The following RPA3 variants were observed in gnomAD, a reference collection of about 807,000 sequenced individuals.
RPA3 encodes the protein replication protein A3.
A neutral mutation model predicts 13.7 loss-of-function variants in RPA3; 24 were observed. That is an observed-to-expected ratio of 1.75 (90% CI 1.27 to 2.46). RPA3 has a LOEUF of 2.46. Among genes scored for constraint, RPA3 ranks in the 30% most tolerant of loss-of-function variants. RPA3 has a pLI of 0.00. For missense variants in RPA3, 183 were observed against 151.0 expected, an observed-to-expected ratio of 1.21 and a Z score of -1.11; for synonymous variants, 59 against 51.2, an observed-to-expected ratio of 1.15 and a Z score of -0.65.
chr7:7,712,183 G>A (rs911389761), intron 2 of RPA3, among the ~76,000 whole-genome samples: 5 of 152,058 alleles, frequency 3.3e-5, no homozygotes, highest in African/African-American at 1.2e-4. Context: ...ATATAATGAA[G>A]CATCAGTTGA....
At chr7:7,666,893 C>T (rs1416064984) in intron 4 of RPA3, among the ~76,000 whole-genome samples, 4 of 152,128 alleles carry the variant, frequency 2.6e-5, no homozygotes, top group African/African-American at 9.7e-5. Context: ...GCAACCTCCG[C>T]CTCCCAAGTT....
At chr7:7,658,018 G>T (rs1432530648) in intron 4 of RPA3, among the ~76,000 whole-genome samples, 1 of 152,098 alleles carries the variant, frequency 6.6e-6, no homozygotes, top group Non-Finnish European at 1.5e-5. Flanking sequence ...TTCTTGAAGA[G>T]GTCCTTCATG....
chr7:7,710,889 C>T (rs543735175), intron 2 of RPA3, among the ~76,000 whole-genome samples: 3 of 152,196 alleles, frequency 2.0e-5, no homozygotes, highest in African/African-American at 7.2e-5. Context: ...TATACAACAA[C>T]CTGGATGAAT....
At chr7:7,697,346 G>C (rs753384414) in intron 2 of RPA3, among the ~76,000 whole-genome samples, 3 of 152,108 alleles carry the variant, frequency 2.0e-5, no homozygotes, top group Non-Finnish European at 4.4e-5. Flanking sequence ...TGCCAGACAA[G>C]TTGCAGCATT....
At chr7:7,658,445 G>GT (rs2115086025) in intron 4 of RPA3, among the ~76,000 whole-genome samples, 1 of 152,284 alleles carries the variant, frequency 6.6e-6, no homozygotes, top group South Asian at 2.1e-4. Flanking sequence ...TTGGCTGTGG[G>GT]TTTGTCATAA....
At chr7:7,669,080 T>C (rs1779540392) in intron 4 of RPA3, among the ~76,000 whole-genome samples, 1 of 81,438 alleles carries the variant, frequency 1.2e-5, no homozygotes, top group South Asian at 3.4e-4. Context: ...CAGCTGGGAA[T>C]CAAGTTTTTT....
chr7:7,682,966 G>T (rs1360821462), intron 4 of RPA3, among the ~76,000 whole-genome samples: 2 of 152,174 alleles, frequency 1.3e-5, no homozygotes, highest in Non-Finnish European at 2.9e-5. Context: ...TGTTAATCTA[G>T]CAGCGTTTCA....
chr7:7,642,306 GA>G (rs987748521), intron 4 of RPA3, among the ~76,000 whole-genome samples: 10 of 131,044 alleles, frequency 7.6e-5, no homozygotes, highest in African/African-American at 2.2e-4. Flanking sequence ...AGCTAATAAA[GA>G]TTTTTTTTTT....
intron 4 of RPA3, among the ~76,000 whole-genome samples, chr7:7,674,696 G>A (rs1355727941): frequency 6.6e-6 from 1 of 152,210 alleles, no homozygotes. Flanking sequence ...TTCATAGTGT[G>A]TCAGGAATTT....
intron 1 of RPA3, among the ~76,000 whole-genome samples, chr7:7,716,135 G>C (rs567837941): frequency 5.9e-5 from 9 of 152,274 alleles, no homozygotes. Flanking sequence ...ATCTAAATAT[G>C]AAGAGGAGGA....
At chr7:7,718,351 G>A (rs898456383) in intron 1 of RPA3, among the ~76,000 whole-genome samples, 164 bp downstream of exon 1, 1 of 152,192 alleles carries the variant, frequency 6.6e-6, no homozygotes, top group Non-Finnish European at 1.5e-5. Context: ...GGCATGGGTT[G>A]TCTGTTCTTA....
Position 7,637,203 on chromosome 7 carries a change from T to C in RPA3, c.284-121A>G, listed in dbSNP as rs566143141. Reference sequence around the variant, plus strand: ...CCTTTTGGAAGTGAGTTTCTAAAAATGGAGATATGGATTATGGATTCTTGT... The same window carrying C: ...CCTTTTGGAAGTGAGTTTCTAAAAACGGAGATATGGATTATGGATTCTTGT... On this transcript the variant is annotated intron_variant, in intron 7 of 7. Transcript: ENST00000223129. 7.0e-5 allele frequency: 50 copies of C among 715,646 alleles called. No individual in the cohort carries two copies. The South Asian group carries it at 7.7e-4, about 11-fold the overall frequency. 44.3% of individuals were successfully genotyped at this position (715,646 alleles called of 1,614,324 possible).
At position 7,710,618 on chromosome 7, in the gene RPA3, A is replaced by G. The variant is rs1045190447; in HGVS notation, c.-1028+4557T>C. Among the ~76,000 whole-genome samples the G allele has an allele frequency of 1.8e-4, 27 of 152,346 alleles. 1 individual carries two copies. In the South Asian group the frequency reaches 3.5e-3, roughly 20 times the overall value. ...ATTGATGATAGGAATGTAAAATGGT[A>G]CAATTACTCTGGAAAATAGACAGTT... On this transcript the variant is annotated intron_variant, in intron 2 of 7. Coordinates refer to ENST00000223129, the MANE Select transcript of RPA3 (RefSeq NM_002947.5).
chr7:7,640,487 C>G lies in RPA3; in HGVS notation c.-69G>C, dbSNP rs1784941932. Reference sequence around the variant, plus strand: ...CTGAAACTGTGCGCCCCGCGGGTGTCTATGGGGCAGATTTCTCGGCACCAA... The same window carrying G: ...CTGAAACTGTGCGCCCCGCGGGTGTGTATGGGGCAGATTTCTCGGCACCAA... On this transcript the variant is annotated 5_prime_UTR_variant, in exon 5 of 8. Coordinates refer to ENST00000223129, the MANE Select transcript of RPA3 (RefSeq NM_002947.5). 6.9e-7 allele frequency: 1 copy of G among 1,440,504 alleles called. No individual in the cohort carries two copies. Among genetic ancestry groups the G allele is most frequent in the South Asian group, 1.1e-5 (1 of 87,570 alleles). 89.2% of individuals were successfully genotyped at this position (1,440,504 alleles called of 1,614,324 possible). A position where few individuals can be genotyped will look rare whatever the true frequency, so the allele number is the denominator to read the frequency against.
intron 4 of RPA3, among the ~76,000 whole-genome samples, chr7:7,679,731 T>TATAC (rs1554313986): frequency 2.5e-4 from 34 of 135,908 alleles, no homozygotes; most frequent in East Asian, 6.3e-4. Context: ...TATATATATA[T>TATAC]ACACACACAC....
intron 4 of RPA3, among the ~76,000 whole-genome samples, chr7:7,672,640 G>T (rs191440826): frequency 6.6e-6 from 1 of 152,056 alleles, no homozygotes; most frequent in Non-Finnish European, 1.5e-5. Flanking sequence ...TTTTATAAGG[G>T]GCTTGGCACT....
intron 4 of RPA3, among the ~76,000 whole-genome samples, chr7:7,651,327 C>A (rs1358073004): frequency 6.6e-6 from 1 of 152,040 alleles, no homozygotes; most frequent in Non-Finnish European, 1.5e-5. Flanking sequence ...CTTGGCTTGT[C>A]TTTTGGCTGG....
intron 4 of RPA3, among the ~76,000 whole-genome samples, chr7:7,651,581 G>T (rs1354706867): frequency 6.6e-6 from 1 of 152,168 alleles, no homozygotes; most frequent in Non-Finnish European, 1.5e-5. Context: ...TCATTCTGGT[G>T]ATCTCTAATT....
chr7:7,648,590 C>G (rs1000690480), intron 4 of RPA3, among the ~76,000 whole-genome samples: 5 of 152,136 alleles, frequency 3.3e-5, no homozygotes, highest in African/African-American at 4.8e-5. Flanking sequence ...TTGGCTCACT[C>G]CTGTAATCCC....
Sources: allele counts gnomAD v4.1 joint callset (sites outside exome capture counted in the v4.1 genomes callset), GRCh38; gene constraint gnomAD v4.1.1; transcripts MANE v1.5; gene names NCBI Gene and HGNC (gene_info 2026-07-23, HGNC 2026-07-21).